NPAS3: variants seen among roughly 807,000 people sequenced by gnomAD.
NPAS3 encodes the protein neuronal PAS domain-containing protein 3.
In NPAS3, 14 loss-of-function variants were observed where a neutral mutation model predicts 73.1. The ratio of observed to expected loss-of-function variants is 0.19; its 90% CI spans 0.13 to 0.30. The LOEUF (loss-of-function observed/expected upper bound fraction) is 0.30, where lower values mean the gene tolerates loss of function less well. Ranked by LOEUF, NPAS3 falls within the 10% of genes least tolerant of loss-of-function variation. The pLI is 1.00. For missense variants in NPAS3, 1,096 were observed against 1,250.0 expected (o/e 0.88, Z 1.86); for synonymous variants, 620 against 541.5 (o/e 1.14, Z -2.01).
intron 2 of NPAS3, among the ~76,000 whole-genome samples, chr14:33,098,141 A>G (rs1428355817): frequency 1.3e-5 from 2 of 152,172 alleles, no homozygotes; most frequent in African/African-American, 4.8e-5. Context: ...TCCATCTAGA[A>G]TTAATTTTGT....
intron 6 of NPAS3, among the ~76,000 whole-genome samples, chr14:33,710,554 G>A (rs550437602): frequency 1.3e-3 from 197 of 152,274 alleles, no homozygotes; most frequent in Non-Finnish European, 2.3e-3. Context: ...CTTTTGGCTG[G>A]AAAACGAATG....
At chr14:33,123,779 C>T (rs1462331823) in intron 2 of NPAS3, among the ~76,000 whole-genome samples, 1 of 151,806 alleles carries the variant, frequency 6.6e-6, no homozygotes, top group Non-Finnish European at 1.5e-5. Flanking sequence ...TCTTTTTTGG[C>T]AGCCTTAAAA....
At chr14:33,645,206 A>C (rs187278785) in intron 5 of NPAS3, among the ~76,000 whole-genome samples, 121 of 152,332 alleles carry the variant, frequency 7.9e-4, no homozygotes, top group Non-Finnish European at 1.3e-3. Context: ...TTCTAAGGGC[A>C]GTTGTTCAGG....
intron 4 of NPAS3, among the ~76,000 whole-genome samples, chr14:33,412,687 C>A (rs1179292292): frequency 3.9e-5 from 6 of 152,120 alleles, no homozygotes; most frequent in African/African-American, 1.4e-4. Context: ...CAGCTCTACT[C>A]CTCACTGGTT....
At chr14:33,024,142 A>ATGTG (rs5807700) in intron 1 of NPAS3, among the ~76,000 whole-genome samples, 12,689 of 143,158 alleles carry the variant, frequency 0.089, 586 homozygotes, top group South Asian at 0.11. Flanking sequence ...GTGTGTGTAT[A>ATGTG]TGTGTGTGTG....
chr14:33,367,655 A>AT (rs367639255), intron 4 of NPAS3, among the ~76,000 whole-genome samples: 33,433 of 146,846 alleles, frequency 0.23, 4,094 homozygotes, highest in Non-Finnish European at 0.3. Flanking sequence ...AAGTACTGTG[A>AT]TTTTTTTTTT....
At chr14:33,106,763 AAAC>A (rs2042734395) in intron 2 of NPAS3, among the ~76,000 whole-genome samples, 1 of 152,166 alleles carries the variant, frequency 6.6e-6, no homozygotes, top group Admixed American at 6.6e-5. Context: ...CGGGAAGTCT[AAAC>A]AACTTGTCTT....
chr14:33,333,353 ACTTTT>A (rs1276811320), intron 3 of NPAS3, among the ~76,000 whole-genome samples: 1 of 152,190 alleles, frequency 6.6e-6, no homozygotes, highest in African/African-American at 2.4e-5. Context: ...TTTTCATGAT[ACTTTT>A]CTTTTGCTCT....
At chr14:33,321,297 G>C (rs561545459) in intron 3 of NPAS3, among the ~76,000 whole-genome samples, 1 of 152,066 alleles carries the variant, frequency 6.6e-6, no homozygotes, top group Non-Finnish European at 1.5e-5. Flanking sequence ...TACAGAATAG[G>C]ATTCAAAATA....
At chr14:33,298,796 T>A (rs2042409738) in intron 3 of NPAS3, among the ~76,000 whole-genome samples, 1 of 152,230 alleles carries the variant, frequency 6.6e-6, no homozygotes, top group Non-Finnish European at 1.5e-5. Context: ...AATATTATTA[T>A]AATCTGACCA....
intron 4 of NPAS3, among the ~76,000 whole-genome samples, chr14:33,496,665 A>C (rs566137310): frequency 6.6e-6 from 1 of 152,186 alleles, no homozygotes; most frequent in South Asian, 2.1e-4. Context: ...CATGCTAAAA[A>C]CTCTCAATAA....
At chr14:33,189,403 G>C (rs1184707237) in intron 2 of NPAS3, among the ~76,000 whole-genome samples, 4 of 152,200 alleles carry the variant, frequency 2.6e-5, no homozygotes, top group African/African-American at 7.2e-5. Context: ...TGGGGATATA[G>C]TGCATGTTTC....
At chr14:33,197,269 T>G (rs1031800856) in intron 2 of NPAS3, among the ~76,000 whole-genome samples, 5 of 20,804 alleles carry the variant, frequency 2.4e-4, no homozygotes, top group East Asian at 8.0e-4. Flanking sequence ...GTGTGTGTGT[T>G]CTTTTTCAAT....
chr14:33,156,243 T>C (rs1199229569), intron 2 of NPAS3, among the ~76,000 whole-genome samples: 1 of 152,208 alleles, frequency 6.6e-6, no homozygotes, highest in African/African-American at 2.4e-5. Flanking sequence ...TATTCTTTAG[T>C]TAAATTTCAA....
intron 2 of NPAS3, among the ~76,000 whole-genome samples, chr14:33,080,575 A>G (rs10142408): frequency 0.06 from 9,112 of 152,274 alleles, 376 homozygotes; most frequent in Admixed American, 0.09. Flanking sequence ...AAGTTGGAGA[A>G]AGTCTCTAGA....
At chr14:33,462,283 T>TC (rs2139513254) in intron 4 of NPAS3, among the ~76,000 whole-genome samples, 1 of 152,248 alleles carries the variant, frequency 6.6e-6, no homozygotes, top group South Asian at 2.1e-4. Flanking sequence ...GACCAGCTAA[T>TC]CCCCCCAGCA....
At chr14:33,698,318 T>C (rs1304287018) in intron 6 of NPAS3, among the ~76,000 whole-genome samples, 1 of 152,190 alleles carries the variant, frequency 6.6e-6, no homozygotes, top group African/African-American at 2.4e-5. Flanking sequence ...AAAAGAAAGG[T>C]TTTTTTAAAA....
intron 2 of NPAS3, among the ~76,000 whole-genome samples, chr14:33,070,210 T>A (rs1164722965): frequency 1.3e-5 from 2 of 152,196 alleles, no homozygotes; most frequent in Non-Finnish European, 2.9e-5. Context: ...AAATTACTCC[T>A]CCTTGTTTAT....
chr14:33,644,255 T>C (rs1478409502), intron 5 of NPAS3, among the ~76,000 whole-genome samples: 1 of 152,242 alleles, frequency 6.6e-6, no homozygotes, highest in African/African-American at 2.4e-5. Flanking sequence ...CTCATAACTT[T>C]TGGCAAACGA....
Sources: allele counts gnomAD v4.1 joint callset (sites outside exome capture counted in the v4.1 genomes callset), GRCh38; gene constraint gnomAD v4.1.1; transcripts MANE v1.5; gene names NCBI Gene and HGNC (gene_info 2026-07-23, HGNC 2026-07-21).